Variants in GRB14 observed in about 807,000 individuals in gnomAD.
The protein encoded by GRB14 is growth factor receptor bound protein 14.
Under a neutral mutation model 69.1 loss-of-function variants are expected in GRB14, and 38 were observed. The observed-to-expected ratio is 0.55, with a 90% CI of 0.42 to 0.72. GRB14 has a LOEUF of 0.72. Among genes scored for constraint, GRB14 ranks in the 30% least tolerant of loss-of-function variants. The pLI is 0.00. For synonymous variants in GRB14, 247 were observed against 241.3 expected, an observed-to-expected ratio of 1.02 and a Z score of -0.22; for missense variants, 666 against 666.1, an observed-to-expected ratio of 1.00 and a Z score of 0.00.
intron 2 of GRB14, among the ~76,000 whole-genome samples, chr2:164,565,390 G>A (rs573225778): frequency 1.4e-4 from 22 of 152,234 alleles, no homozygotes; most frequent in Non-Finnish European, 2.4e-4. Flanking sequence ...AAGATGAAAG[G>A]ATTTGCCTAA....
intron 4 of GRB14, 80 bp downstream of exon 4, chr2:164,526,934 A>T: frequency 1.0e-6 from 1 of 991,370 alleles, no homozygotes; most frequent in Non-Finnish European, 1.4e-6. Context: ...ACTGTATTTT[A>T]TTTACAGTGA....
At chr2:164,568,502 C>G in intron 2 of GRB14, 2 of 1,120,900 alleles carry the variant, frequency 1.8e-6, no homozygotes, top group Non-Finnish European at 2.2e-6. Context: ...TAATAAATGT[C>G]ACCCTGCTTA....
intron 1 of GRB14, among the ~76,000 whole-genome samples, chr2:164,620,612 T>C (rs1217389944): frequency 6.6e-6 from 1 of 152,194 alleles, no homozygotes; most frequent in Non-Finnish European, 1.5e-5. Context: ...TGTGCAACTC[T>C]AAAGGCACTT....
At chr2:164,566,491 CAAG>C (rs1559054089) in intron 2 of GRB14, among the ~76,000 whole-genome samples, 1 of 152,064 alleles carries the variant, frequency 6.6e-6, no homozygotes, top group Non-Finnish European at 1.5e-5. Flanking sequence ...AGAAACTTGA[CAAG>C]AAGCTTATTA....
intron 12 of GRB14, among the ~76,000 whole-genome samples, chr2:164,495,245 AATTTT>A (rs1374770126): frequency 3.3e-5 from 5 of 152,042 alleles, no homozygotes; most frequent in Non-Finnish European, 5.9e-5. Context: ...CCTGGCCTGA[AATTTT>A]ATTTTATTAT....
intron 13 of GRB14, 102 bp downstream of exon 13, chr2:164,494,329 C>T: frequency 1.5e-6 from 1 of 656,614 alleles, no homozygotes; most frequent in South Asian, 2.0e-5. Flanking sequence ...AATAAAAAGA[C>T]CAAAAGAAAA....
chr2:164,517,128 G>T (rs1380500038), intron 6 of GRB14, among the ~76,000 whole-genome samples: 1 of 152,088 alleles, frequency 6.6e-6, no homozygotes, highest in Non-Finnish European at 1.5e-5. Context: ...TTCATGGCTG[G>T]GGAGGCCTCA....
rs935524000 is a variant in GRB14, at chr2:164,573,803, T to C, written c.325-25987A>G. ...CCACCAGTGTATCAGCATTAACATG[T>C]TGGCAGATAAATTGAACATGACTCC... On this transcript the variant is annotated intron_variant, in intron 2 of 13. Transcript: ENST00000263915. The C allele has an allele frequency of 3.1e-6, 5 of 1,612,838 alleles. No homozygotes were observed. The African/African-American group carries it at 6.7e-5, about 22-fold the overall frequency.
At chr2:164,568,209 C>A in intron 2 of GRB14, 1 of 525,146 alleles carries the variant, frequency 1.9e-6, no homozygotes. Context: ...TAGGCTCTTT[C>A]AAGGGTATGT....
At chr2:164,534,421 T>C (rs898774323) in intron 3 of GRB14, among the ~76,000 whole-genome samples, 2 of 152,180 alleles carry the variant, frequency 1.3e-5, no homozygotes, top group African/African-American at 4.8e-5. Context: ...TAGCATTTCT[T>C]TTTTCAATGC....
chr2:164,595,874 C>A (rs1689767799), intron 2 of GRB14, among the ~76,000 whole-genome samples: 2 of 152,090 alleles, frequency 1.3e-5, no homozygotes, highest in Non-Finnish European at 2.9e-5. Flanking sequence ...GCCTGTAATC[C>A]CAGCACTTTG....
At chr2:164,535,354 A>C in intron 3 of GRB14, among the ~76,000 whole-genome samples, 1 of 152,224 alleles carries the variant, frequency 6.6e-6, no homozygotes, top group East Asian at 1.9e-4. Flanking sequence ...TTGATTTAAC[A>C]TCAAAGTCTT....
Position 164,522,052 on chromosome 2 carries a change from CT to C in GRB14, c.743del (p.Lys248ArgfsTer11). 6.2e-7 allele frequency: 1 copy of C among 1,603,358 alleles called. No individual in the cohort carries two copies. The highest frequency in any genetic ancestry group is 1.1e-5 in the South Asian group (1 of 90,354). On this transcript the variant is annotated frameshift_variant, in exon 6 of 14. Coordinates refer to ENST00000263915, the MANE Select transcript of GRB14 (RefSeq NM_004490.3). LOFTEE classifies it high-confidence loss of function. Reference sequence around the variant, plus strand: ...AAAAGTAAATTTTTTTCCAAGACTTCTTTCCCTGTTCTTTCGCATGTAAGAA... The same window carrying C: ...AAAAGTAAATTTTTTTCCAAGACTTCTTCCCTGTTCTTTCGCATGTAAGAA... ...HGFLHAKEQG[K>X]KSWKKIYFFL...
intron 2 of GRB14, among the ~76,000 whole-genome samples, chr2:164,580,709 GA>G (rs58711289): frequency 0.66 from 94,099 of 142,612 alleles, 31,007 homozygotes; most frequent in Non-Finnish European, 0.7. Context: ...ATCTCAGGAA[GA>G]AAAAAAAAAA....
chr2:164,612,855 C>A (rs367745160), intron 2 of GRB14, among the ~76,000 whole-genome samples: 1 of 152,028 alleles, frequency 6.6e-6, no homozygotes, highest in Non-Finnish European at 1.5e-5. Flanking sequence ...TGCAAATGTA[C>A]CCTGCAAATT....
intron 4 of GRB14, among the ~76,000 whole-genome samples, chr2:164,525,908 T>C (rs1262203317): frequency 6.6e-6 from 1 of 152,000 alleles, no homozygotes; most frequent in Non-Finnish European, 1.5e-5. Context: ...CAAAAATGTG[T>C]CCAGACATTG....
intron 6 of GRB14, among the ~76,000 whole-genome samples, chr2:164,512,572 C>A (rs1687367942): frequency 6.6e-6 from 1 of 152,230 alleles, no homozygotes; most frequent in Non-Finnish European, 1.5e-5. Flanking sequence ...ACAAGCCTGG[C>A]AGGCTTCACT....
At chr2:164,496,911 C>G (rs1318086259) in intron 12 of GRB14, 97 bp downstream of exon 12, 8 of 934,844 alleles carry the variant, frequency 8.6e-6, no homozygotes, top group African/African-American at 8.2e-5. Context: ...TATGATAAGC[C>G]CAAATCAAGA....
At chr2:164,579,485 A>G (rs879845222) in intron 2 of GRB14, among the ~76,000 whole-genome samples, 14 of 151,092 alleles carry the variant, frequency 9.3e-5, no homozygotes, top group South Asian at 4.2e-4. Flanking sequence ...ACCTCATTTT[A>G]TTACAGGGCA....
Sources: gnomAD v4.1 joint callset for allele counts (sites outside exome capture counted in the v4.1 genomes callset) on GRCh38, gnomAD v4.1.1 for gene constraint, MANE v1.5 for transcripts, NCBI Gene and HGNC (gene_info 2026-07-23, HGNC 2026-07-21) for gene names.